Variants in HIP1 observed in about 807,000 individuals in gnomAD.
HIP1 encodes huntingtin interacting protein 1.
HIP1 carries 65 observed loss-of-function variants against 147.6 expected under a neutral mutation model. The ratio of observed to expected loss-of-function variants is 0.44; its 90% CI spans 0.36 to 0.54. The LOEUF is 0.54. Ranked by LOEUF, HIP1 falls within the 20% of genes least tolerant of loss-of-function variation. The probability of loss-of-function intolerance (pLI) is 0.00; values close to 1 mark genes in which losing one functional copy is unlikely to be tolerated. For synonymous variants in HIP1, 479 were observed against 504.0 expected, an observed-to-expected ratio of 0.95 and a Z score of 0.67; for missense variants, 1,061 against 1,299.6, an observed-to-expected ratio of 0.82 and a Z score of 2.82.
At chr7:75,565,869 T>A (rs1340517167) in intron 9 of HIP1, among the ~76,000 whole-genome samples, 2 of 145,976 alleles carry the variant, frequency 1.4e-5, no homozygotes, top group South Asian at 2.1e-4. Flanking sequence ...GTAGCTGGGA[T>A]TACAGGGCTA....
In HIP1 at chr7:75,655,371, G is replaced by C. The variant is rs140972508; in HGVS notation, c.121-56124C>G. Among the ~76,000 whole-genome samples the C allele has an allele frequency of 5.5e-3, 843 of 152,238 alleles. 12 individuals carry two copies. The highest frequency in any genetic ancestry group is 0.019 in the African/African-American group (781 of 41,542). On this transcript the variant is annotated intron_variant, in intron 1 of 30. Transcript: ENST00000336926. ...AGGTGGGTGGATCACTTGAGGTCAG[G>C]AGTTCGAGTCCAGCCTGGCCAACAT...
intron 9 of HIP1, among the ~76,000 whole-genome samples, chr7:75,565,449 A>G (rs1336827054): frequency 2.0e-5 from 3 of 152,208 alleles, no homozygotes; most frequent in Non-Finnish European, 4.4e-5. Context: ...GGACTAAAGA[A>G]GCCATTTATC....
chr7:75,653,462 G>A (rs904112684), intron 1 of HIP1, among the ~76,000 whole-genome samples: 2 of 151,992 alleles, frequency 1.3e-5, no homozygotes, highest in Admixed American at 1.3e-4. Context: ...AGACCAGCCT[G>A]GGCAACATAG....
chr7:75,698,546 G>T (rs1800709294), intron 1 of HIP1, among the ~76,000 whole-genome samples: 1 of 152,110 alleles, frequency 6.6e-6, no homozygotes, highest in African/African-American at 2.4e-5. Flanking sequence ...AGCCAGGTGT[G>T]GTGGCTTGTG....
chr7:75,734,043 C>G (rs948136743), intron 1 of HIP1, among the ~76,000 whole-genome samples: 25 of 151,764 alleles, frequency 1.6e-4, no homozygotes, highest in African/African-American at 5.8e-4. Context: ...GTCAGGAGTT[C>G]GAGGCCAGCC....
chr7:75,594,380 C>T (rs1796612024), intron 2 of HIP1, among the ~76,000 whole-genome samples: 1 of 151,974 alleles, frequency 6.6e-6, no homozygotes, highest in Non-Finnish European at 1.5e-5. Flanking sequence ...AATCTCTCCA[C>T]ACCTTGAATT....
In HIP1 at chr7:75,555,565, A is replaced by G; in HGVS notation, c.1828-14T>C. On this transcript the variant is annotated splice_polypyrimidine_tract_variant and intron_variant, in intron 18 of 30. Coordinates refer to ENST00000336926, the MANE Select transcript of HIP1 (RefSeq NM_005338.7). ...GCACATAGATTCCTAAAAATGGTCCAGGGAGGTGAGAGTCTGCCCTAGACT... is the reference window on the plus strand; with the variant it reads ...GCACATAGATTCCTAAAAATGGTCCGGGGAGGTGAGAGTCTGCCCTAGACT... 1 of 1,613,980 alleles carries G rather than the reference A, an allele frequency of 6.2e-7. No homozygotes were observed. The highest frequency in any genetic ancestry group is 8.5e-7 in the Non-Finnish European group (1 of 1,179,976).
chr7:75,716,064 G>A (rs903606697), intron 1 of HIP1, among the ~76,000 whole-genome samples: 7 of 151,976 alleles, frequency 4.6e-5, no homozygotes, highest in African/African-American at 1.4e-4. Flanking sequence ...ATCCGCCCCC[G>A]TGACCCAAAC....
chr7:75,622,990 G>C (rs1258379588), intron 1 of HIP1, among the ~76,000 whole-genome samples: 1 of 151,838 alleles, frequency 6.6e-6, no homozygotes, highest in Non-Finnish European at 1.5e-5. Context: ...CTGAGGTCAG[G>C]AGTTTGAGAC....
At chr7:75,572,989 G>C (rs1795700959) in intron 8 of HIP1, among the ~76,000 whole-genome samples, 1 of 152,222 alleles carries the variant, frequency 6.6e-6, no homozygotes, top group Admixed American at 6.5e-5. Flanking sequence ...TTGGGGCTGA[G>C]CCCTGTTGCC....
chr7:75,725,967 T>C (rs1420172083), intron 1 of HIP1, among the ~76,000 whole-genome samples: 2 of 151,764 alleles, frequency 1.3e-5, no homozygotes, highest in Non-Finnish European at 2.9e-5. Flanking sequence ...ATTACAGGCA[T>C]GTACCACCAT....
In HIP1 at chr7:75,586,850, G is replaced by A; in HGVS notation, c.385-17C>T. 2 of 1,525,150 alleles carry A rather than the reference G, an allele frequency of 1.3e-6. No homozygotes were observed. The highest frequency in any genetic ancestry group is 1.8e-6 in the Non-Finnish European group (2 of 1,100,276). The allele number at this position is 1,525,150 out of a possible 1,614,324, so 94.5% of individuals were successfully genotyped here. ...CAGGTGGCCCTTTTAGGAAGAGGAG[G>A]GGAAACAGAGTCAACAACAAGAACA... On this transcript the variant is annotated splice_polypyrimidine_tract_variant and intron_variant, in intron 4 of 30. Transcript: ENST00000336926.
intron 1 of HIP1, among the ~76,000 whole-genome samples, chr7:75,605,849 C>T (rs1344017648): frequency 6.6e-6 from 1 of 151,784 alleles, no homozygotes; most frequent in Non-Finnish European, 1.5e-5. Flanking sequence ...TTTATTTAAT[C>T]AATTATTATT....
intron 1 of HIP1, among the ~76,000 whole-genome samples, chr7:75,713,389 T>TGCGC (rs1801215314): frequency 2.0e-5 from 3 of 152,188 alleles, no homozygotes; most frequent in African/African-American, 7.2e-5. Context: ...CAAGTCTTAC[T>TGCGC]AGTATCCGGT....
At chr7:75,632,279 A>G (rs1417880404) in intron 1 of HIP1, among the ~76,000 whole-genome samples, 2 of 152,150 alleles carry the variant, frequency 1.3e-5, no homozygotes, top group African/African-American at 2.4e-5. Context: ...CCAGGGGCCT[A>G]CGTAAAAAGG....
chr7:75,660,939 C>T (rs1406067289), intron 1 of HIP1, among the ~76,000 whole-genome samples: 3 of 151,966 alleles, frequency 2.0e-5, no homozygotes, highest in South Asian at 2.1e-4. Context: ...GGAAGGCCTG[C>T]ATTTAGGGTG....
At position 75,611,338 on chromosome 7, in the gene HIP1, G is replaced by A. The variant is rs587660554; in HGVS notation, c.121-12091C>T. 5.9e-5 allele frequency among the ~76,000 whole-genome samples: 9 copies of A among 151,846 alleles called. No homozygotes were observed. In the East Asian group the frequency reaches 7.8e-4, roughly 13 times the overall value. On this transcript the variant is annotated intron_variant, in intron 1 of 30. Transcript: ENST00000336926. The stretch of plus-strand genomic sequence containing the variant: ...AAAAAGTAGCCAGACATGGTGGTGC[G>A]TGCCTGTAGTCCCAGCCACTTGGGA...
intron 21 of HIP1, 24 bp from the exon 22 acceptor site, chr7:75,553,613 C>CTT: frequency 1.3e-6 from 2 of 1,588,058 alleles, no homozygotes; most frequent in Non-Finnish European, 1.7e-6. Flanking sequence ...GCAATAGACA[C>CTT]TTTTTTTTTG....
intron 9 of HIP1, among the ~76,000 whole-genome samples, chr7:75,565,340 C>T (rs886268012): frequency 6.6e-6 from 1 of 152,204 alleles, no homozygotes; most frequent in Non-Finnish European, 1.5e-5. Context: ...CACACATCCC[C>T]ATCTTGCTGG....
Sources: gnomAD v4.1 joint callset for allele counts (sites outside exome capture counted in the v4.1 genomes callset) on GRCh38, gnomAD v4.1.1 for gene constraint, MANE v1.5 for transcripts, NCBI Gene and HGNC (gene_info 2026-07-23, HGNC 2026-07-21) for gene names.